The following SHTN1 variants were observed in gnomAD, a reference collection of about 807,000 sequenced individuals.
SHTN1 encodes the protein shootin-1.
SHTN1 carries 42 observed loss-of-function variants against 83.1 expected under a neutral mutation model. The ratio of observed to expected loss-of-function variants is 0.51; its 90% CI spans 0.39 to 0.65. The LOEUF (loss-of-function observed/expected upper bound fraction) is 0.65, where lower values mean the gene tolerates loss of function less well. Among genes scored for constraint, SHTN1 ranks in the 30% least tolerant of loss-of-function variants. SHTN1 has a pLI of 0.00. For missense variants in SHTN1, 622 were observed against 737.8 expected (o/e 0.84, Z 1.82); for synonymous variants, 224 against 247.7 (o/e 0.90, Z 0.90).
intron 1 of SHTN1, among the ~76,000 whole-genome samples, chr10:117,084,745 G>A (rs577020331): frequency 7.2e-5 from 11 of 152,150 alleles, no homozygotes; most frequent in Non-Finnish European, 1.2e-4. Flanking sequence ...GTGGTGCGCC[G>A]TTTTTTAAGC....
At chr10:116,948,577 G>T (rs2133414433) in intron 7 of SHTN1, among the ~76,000 whole-genome samples, 1 of 152,204 alleles carries the variant, frequency 6.6e-6, no homozygotes, top group East Asian at 1.9e-4. Context: ...CTTCTGGATT[G>T]AGATTTACTA....
intron 16 of SHTN1, among the ~76,000 whole-genome samples, chr10:116,889,395 T>C (rs993007285): frequency 7.9e-5 from 12 of 152,236 alleles, no homozygotes; most frequent in Non-Finnish European, 1.5e-4. Flanking sequence ...ACTTATAGGC[T>C]ACAATTTGAG....
rs561295635 is a variant in SHTN1 at position 117,111,776 on chromosome 10, T to C, written c.-189+14531A>G. Among the ~76,000 whole-genome samples the C allele has an allele frequency of 7.4e-4, 112 of 152,198 alleles. 2 individuals carry two copies. The South Asian group carries it at 0.022, about 30-fold the overall frequency. On this transcript the variant is annotated intron_variant, in intron 1 of 17. Coordinates refer to the SHTN1 transcript ENST00000392901. ...AAATCCCCAAAACTCTCAATGTTCTTGTCACAATCCCCTATGACCTCCACT... is the reference window on the plus strand; with the variant it reads ...AAATCCCCAAAACTCTCAATGTTCTCGTCACAATCCCCTATGACCTCCACT...
intron 1 of SHTN1, among the ~76,000 whole-genome samples, chr10:117,066,638 T>C (rs1480757332): frequency 2.0e-5 from 3 of 152,224 alleles, no homozygotes; most frequent in Non-Finnish European, 2.9e-5. Flanking sequence ...CTTATTTCCA[T>C]GTTTCGGCCA....
At chr10:116,909,728 C>A (rs1034428479) in intron 14 of SHTN1, among the ~76,000 whole-genome samples, 2 of 152,104 alleles carry the variant, frequency 1.3e-5, no homozygotes, top group Non-Finnish European at 2.9e-5. Flanking sequence ...TCCCCCAAAC[C>A]AGAGACTTGT....
intron 1 of SHTN1, among the ~76,000 whole-genome samples, chr10:117,087,337 C>T (rs1048754089): frequency 3.3e-5 from 5 of 152,022 alleles, no homozygotes; most frequent in African/African-American, 7.2e-5. Flanking sequence ...GTAACCCTAC[C>T]GGGTACAAAG....
chr10:117,009,286 T>C (rs1420396952), upstream of SHTN1, among the ~76,000 whole-genome samples: 3 of 152,088 alleles, frequency 2.0e-5, no homozygotes, highest in Non-Finnish European at 4.4e-5. Flanking sequence ...AGATAATACA[T>C]AGCAAAATTG....
intron 10 of SHTN1, among the ~76,000 whole-genome samples, chr10:116,928,544 G>T (rs1433178734): frequency 1.3e-5 from 2 of 152,174 alleles, no homozygotes; most frequent in South Asian, 4.1e-4. Flanking sequence ...TGACTTCAAA[G>T]AACTGAACTT....
chr10:116,956,523 GA>G (rs1849985162), intron 4 of SHTN1, among the ~76,000 whole-genome samples: 1 of 152,194 alleles, frequency 6.6e-6, no homozygotes, highest in African/African-American at 2.4e-5. Flanking sequence ...TTCATAGTAA[GA>G]AGAGGTTTAG....
intron 16 of SHTN1, among the ~76,000 whole-genome samples, chr10:116,893,241 A>T (rs1214189101): frequency 6.6e-6 from 1 of 152,048 alleles, no homozygotes; most frequent in East Asian, 1.9e-4. Flanking sequence ...GGGAAGGAAA[A>T]AAAATGAAGT....
At chr10:117,055,674 C>T (rs1852817175) in intron 1 of SHTN1, among the ~76,000 whole-genome samples, 1 of 152,188 alleles carries the variant, frequency 6.6e-6, no homozygotes, top group South Asian at 2.1e-4. Context: ...TCAAGACCAG[C>T]CTGGGCAACA....
intron 1 of SHTN1, among the ~76,000 whole-genome samples, chr10:117,096,059 T>A (rs1367983197): frequency 6.6e-6 from 1 of 152,224 alleles, no homozygotes; most frequent in Admixed American, 6.5e-5. Flanking sequence ...TATTTAAGAC[T>A]CTTCTCAATT....
At chr10:116,969,230 G>A (rs1310342032) in intron 2 of SHTN1, among the ~76,000 whole-genome samples, 1 of 152,070 alleles carries the variant, frequency 6.6e-6, no homozygotes, top group Non-Finnish European at 1.5e-5. Flanking sequence ...TACAAGACCA[G>A]CCTTGCCAGA....
At chr10:117,000,566 T>C (rs780719152) in intron 1 of SHTN1, among the ~76,000 whole-genome samples, 1 of 152,304 alleles carries the variant, frequency 6.6e-6, no homozygotes, top group Middle Eastern at 3.4e-3. Flanking sequence ...TTTCCTCTTA[T>C]GTATGTCCTT....
rs1045831552 is a variant in SHTN1 at position 116,945,146 on chromosome 10, G to A, written c.617-128C>T. On this transcript the variant is annotated intron_variant, in intron 7 of 16. Coordinates refer to ENST00000355371, the MANE Select transcript of SHTN1 (RefSeq NM_001127211.3). ...CAGGTACCCTCATGCATTCCTGGTT[G>A]GCATACAAACTGATAAAACCTTTTT... is the stretch of plus-strand genomic sequence containing the variant. The A allele has an allele frequency of 1.1e-5, 7 of 644,548 alleles. No homozygotes were observed. In the African/African-American group the frequency reaches 1.1e-4, roughly 10 times the overall value. 39.9% of individuals were successfully genotyped at this position (644,548 alleles called of 1,614,324 possible).
At chr10:116,969,440 CA>C (rs945218600) in intron 2 of SHTN1, among the ~76,000 whole-genome samples, 2 of 151,554 alleles carry the variant, frequency 1.3e-5, no homozygotes, top group East Asian at 1.9e-4. Context: ...GACTCTGACT[CA>C]AAAAAAAGAC....
intron 1 of SHTN1, among the ~76,000 whole-genome samples, chr10:116,988,849 T>A (rs1851316138): frequency 6.6e-6 from 1 of 152,156 alleles, no homozygotes; most frequent in Admixed American, 6.5e-5. Context: ...CCAGAACTCA[T>A]GCTTTAGTGT....
rs1046014892 is a variant in SHTN1, at chr10:117,048,625, A to G, written c.-188-115T>C. 3.9e-5 allele frequency: 9 copies of G among 229,968 alleles called. No homozygotes were observed. In the South Asian group the frequency reaches 4.7e-4, roughly 12 times the overall value. The allele number at this position is 229,968 out of a possible 1,614,324, so 14.2% of individuals were successfully genotyped here. A position where few individuals can be genotyped will look rare whatever the true frequency, so the allele number is the denominator to read the frequency against. ...AAATGTGTTCAGACTCCCCAATTAT[A>G]ACTAGTTATTCTTCAAAGAATTTTG... On this transcript the variant is annotated intron_variant, in intron 1 of 17. Coordinates refer to the SHTN1 transcript ENST00000392901.
intron 1 of SHTN1, among the ~76,000 whole-genome samples, chr10:117,103,530 C>CTTTTTTTT (rs35229163): frequency 7.7e-5 from 6 of 77,534 alleles, no homozygotes; most frequent in African/African-American, 1.7e-4. Flanking sequence ...CCTCCCCTCT[C>CTTTTTTTT]TTTTTTTTTT....
Sources: gnomAD v4.1 joint callset for allele counts (sites outside exome capture counted in the v4.1 genomes callset) on GRCh38, gnomAD v4.1.1 for gene constraint, MANE v1.5 for transcripts, NCBI Gene and HGNC (gene_info 2026-07-23, HGNC 2026-07-21) for gene names.